Variants in TP63 observed in about 807,000 individuals in gnomAD.
The protein encoded by TP63 is tumor protein 63.
In TP63, 17 loss-of-function variants were observed where a neutral mutation model predicts 82.8. The observed-to-expected ratio is 0.21, with a 90% confidence interval of 0.14 to 0.31. The LOEUF (loss-of-function observed/expected upper bound fraction) is 0.31. TP63 is among the 10% of genes least tolerant of loss of function. The pLI is 1.00. For missense variants in TP63, 648 were observed against 895.3 expected, an observed-to-expected ratio of 0.72 and a Z score of 3.52; for synonymous variants, 330 against 321.7, an observed-to-expected ratio of 1.03 and a Z score of -0.28.
At chr3:189,842,350 AAGATTAC>A (rs1714253658) in intron 4 of TP63, among the ~76,000 whole-genome samples, 1 of 152,178 alleles carries the variant, frequency 6.6e-6, no homozygotes, top group Non-Finnish European at 1.5e-5. Context: ...TTACAGTGAA[AAGATTAC>A]AGGGCTGGAA....
At chr3:189,770,774 G>A (rs1178213971) in intron 3 of TP63, among the ~76,000 whole-genome samples, 3 of 152,126 alleles carry the variant, frequency 2.0e-5, no homozygotes, top group Non-Finnish European at 4.4e-5. Flanking sequence ...AAGACAAAAT[G>A]TTTGATACTG....
intron 3 of TP63, among the ~76,000 whole-genome samples, chr3:189,742,014 G>A (rs1441925888): frequency 3.3e-5 from 5 of 152,070 alleles, no homozygotes; most frequent in Admixed American, 1.3e-4. Context: ...AGGCCGAGGT[G>A]TGTGGATCAC....
intron 4 of TP63, among the ~76,000 whole-genome samples, chr3:189,808,729 G>A (rs953491363): frequency 1.9e-4 from 29 of 152,222 alleles, no homozygotes; most frequent in African/African-American, 6.3e-4. Flanking sequence ...AAACGTCTGC[G>A]TTCTAGCCAG....
chr3:189,881,546 C>G, intron 10 of TP63: 2 of 982,944 alleles, frequency 2.0e-6, no homozygotes, highest in South Asian at 4.7e-5. Flanking sequence ...CCACTAAATA[C>G]TAGAATATTC....
chr3:189,644,620 C>T (rs1712236227), intron 1 of TP63, among the ~76,000 whole-genome samples: 1 of 151,940 alleles, frequency 6.6e-6, no homozygotes, highest in Non-Finnish European at 1.5e-5. Flanking sequence ...TCTGGTGCAC[C>T]CATCACCTAA....
In TP63 at chr3:189,817,553, CATA is replaced by C. The variant is rs1322877008; in HGVS notation, c.579+9031_579+9033del. ...AGCCTGAGAGATGAAGCTCTAAAAACATAATATGTTATTATCTCATCCTGGATT... is the reference window on the plus strand; with the variant it reads ...AGCCTGAGAGATGAAGCTCTAAAAACATATGTTATTATCTCATCCTGGATT... On this transcript the variant is annotated intron_variant, in intron 4 of 13. Coordinates refer to ENST00000264731, the MANE Select transcript of TP63 (RefSeq NM_003722.5). Among the ~76,000 whole-genome samples, 6 of 152,110 alleles carry C rather than the reference CATA, an allele frequency of 3.9e-5. No homozygotes were observed. The South Asian group carries it at 1.0e-3, about 26-fold the overall frequency.
intron 3 of TP63, among the ~76,000 whole-genome samples, chr3:189,800,405 C>T (rs1003243798): frequency 2.0e-5 from 3 of 149,878 alleles, no homozygotes; most frequent in Non-Finnish European, 4.4e-5. Flanking sequence ...GGAGTTGGGT[C>T]TCTGACCCTT....
At chr3:189,789,729 C>CAGA (rs34201045) in intron 3 of TP63, 23 of 1,482,572 alleles carry the variant, frequency 1.6e-5, no homozygotes, top group Middle Eastern at 1.7e-4. Flanking sequence ...GTAAGGGTCT[C>CAGA]GGGGTGGGGG....
chr3:189,773,745 A>T (rs976349881), intron 3 of TP63, among the ~76,000 whole-genome samples: 1 of 151,762 alleles, frequency 6.6e-6, no homozygotes, highest in South Asian at 2.1e-4. Flanking sequence ...AGTTTATGTC[A>T]TGTGAGGGTA....
At chr3:189,635,551 A>G (rs769295706) in intron 1 of TP63, among the ~76,000 whole-genome samples, 2 of 152,142 alleles carry the variant, frequency 1.3e-5, no homozygotes, top group African/African-American at 4.8e-5. Flanking sequence ...TGAAGTTGGA[A>G]TATTGGTTTC....
chr3:189,642,114 T>A (rs12107025), intron 1 of TP63, among the ~76,000 whole-genome samples: 17,394 of 152,210 alleles, frequency 0.11, 1,337 homozygotes, highest in East Asian at 0.38. Context: ...AGTATGCCAA[T>A]GTATTTTGCT....
At chr3:189,598,449 C>T in the TP63 span, among the ~76,000 whole-genome samples, 21 of 151,820 alleles carry the variant, frequency 1.4e-4, no homozygotes, top group African/African-American at 4.6e-4. Context: ...TTTGAAAACA[C>T]GTAATAAAAC....
At chr3:189,606,074 A>G in the TP63 span, among the ~76,000 whole-genome samples, 3 of 152,346 alleles carry the variant, frequency 2.0e-5, no homozygotes, top group South Asian at 6.2e-4. Flanking sequence ...AAGGAAATTA[A>G]ATATCACAAA....
intron 1 of TP63, among the ~76,000 whole-genome samples, chr3:189,673,744 AATT>A (rs1239357949): frequency 4.6e-5 from 7 of 152,112 alleles, no homozygotes; most frequent in Admixed American, 3.3e-4. Flanking sequence ...AACTCAATTC[AATT>A]ATTTGCAGCT....
the TP63 span, among the ~76,000 whole-genome samples, chr3:189,623,354 A>G: frequency 6.6e-6 from 1 of 152,336 alleles, no homozygotes; most frequent in East Asian, 1.9e-4. Context: ...TCTCCCACCT[A>G]CACACATGCT....
chr3:189,609,963 T>C, the TP63 span, among the ~76,000 whole-genome samples: 1 of 152,218 alleles, frequency 6.6e-6, no homozygotes, highest in Non-Finnish European at 1.5e-5. Context: ...CCATACTGCT[T>C]TCCATGACAG....
Position 189,800,490 on chromosome 3 carries a change from GA to G in TP63, c.325-7773del, listed in dbSNP as rs1300826682. 4.4e-5 allele frequency among the ~76,000 whole-genome samples: 6 copies of G among 135,064 alleles called. No homozygotes were observed. The South Asian group carries it at 7.4e-4, about 17-fold the overall frequency. The allele number at this position is 135,064 out of a possible 152,430, so 88.6% of individuals were successfully genotyped here. A position where few individuals can be genotyped will look rare whatever the true frequency, so the allele number is the denominator to read the frequency against. On this transcript the variant is annotated intron_variant, in intron 3 of 13. Coordinates refer to ENST00000264731, the MANE Select transcript of TP63 (RefSeq NM_003722.5). ...CTTTAATGAGTAAAAAAAAAAAAAA[GA>G]AAAAAAAAGCAAATAAAAGAGGTGC...
chr3:189,729,044 A>G (rs1438985205), intron 1 of TP63, among the ~76,000 whole-genome samples: 4 of 152,228 alleles, frequency 2.6e-5, no homozygotes, highest in South Asian at 2.1e-4. Flanking sequence ...CTCTGTCACA[A>G]AAGGAGTAAC....
intron 3 of TP63, among the ~76,000 whole-genome samples, chr3:189,802,949 A>G (rs1290339257): frequency 6.6e-6 from 1 of 152,168 alleles, no homozygotes; most frequent in Non-Finnish European, 1.5e-5. Context: ...TATTGTTGCT[A>G]TAGTGTCATA....
Sources: gnomAD v4.1 joint callset for allele counts (sites outside exome capture counted in the v4.1 genomes callset) on GRCh38, gnomAD v4.1.1 for gene constraint, MANE v1.5 for transcripts, NCBI Gene and HGNC (gene_info 2026-07-23, HGNC 2026-07-21) for gene names.